Variants in TRRAP observed in about 807,000 individuals in gnomAD.
The protein encoded by TRRAP is transformation/transcription domain associated protein.
Under a neutral mutation model 438.8 loss-of-function variants are expected in TRRAP, and 41 were observed. That is an observed-to-expected ratio of 0.09 (90% CI 0.07 to 0.12). The LOEUF (loss-of-function observed/expected upper bound fraction) is 0.12. Among genes scored for constraint, TRRAP ranks in the 10% least tolerant of loss-of-function variants. TRRAP has a pLI of 1.00. For missense variants in TRRAP, 3,122 were observed against 5,055.1 expected (o/e 0.62, Z 11.60); for synonymous variants, 1,994 against 1,962.9 (o/e 1.02, Z -0.42).
Position 98,970,207 on chromosome 7 carries a change from T to C in TRRAP, c.7608T>C (p.Asp2536=), listed in dbSNP as rs1340872223. The C allele has an allele frequency of 3.1e-6, 5 of 1,613,856 alleles. No individual in the cohort carries two copies. Among genetic ancestry groups the C allele is most frequent in the Non-Finnish European group, 2.5e-6 (3 of 1,180,006 alleles). Residue 2536 remains aspartate, a synonymous_variant, in exon 52 of 73, where the codon GAT becomes GAC. Transcript: ENST00000456197. Reference sequence around the variant, plus strand: ...TCACCAACGTCATCAACCTGGCCGATAGCCACGACCGTGCCGCCTTCGCCA... The same window carrying C: ...TCACCAACGTCATCAACCTGGCCGACAGCCACGACCGTGCCGCCTTCGCCA... ...PSITNVINLA[D]SHDRAAFAMV...
rs527933842 is a variant in TRRAP, at chr7:98,994,440, C to T, written c.10048-147C>T. On this transcript the variant is annotated intron_variant, in intron 66 of 72. Coordinates refer to ENST00000456197, the MANE Select transcript of TRRAP (RefSeq NM_001375524.1). This position sits in a 1 kb window ranked among gnomAD's most constrained non-coding sequence, Gnocchi z 4.8. ...CAGGCGTCCCGTTTCTTGCACACGC[C>T]GATTTCATGCCTGCTGTGTGTGGGT... is the stretch of plus-strand genomic sequence containing the variant. The T allele has an allele frequency of 1.2e-4, 143 of 1,215,268 alleles. 1 individual carries two copies. Among genetic ancestry groups the T allele is most frequent in the South Asian group, 5.7e-4 (39 of 68,388 alleles). 75.3% of individuals were successfully genotyped at this position (1,215,268 alleles called of 1,614,324 possible).
At chr7:98,980,229 A>G (rs1244792809) in intron 58 of TRRAP, among the ~76,000 whole-genome samples, 2 of 152,302 alleles carry the variant, frequency 1.3e-5, no homozygotes, top group Middle Eastern at 3.4e-3. Flanking sequence ...CATTATTACC[A>G]TTATTGCATG....
intron 49 of TRRAP, among the ~76,000 whole-genome samples, 174 bp downstream of exon 49, chr7:98,966,069 G>A (rs1792137933): frequency 6.6e-6 from 1 of 152,166 alleles, no homozygotes; most frequent in Admixed American, 6.5e-5. Flanking sequence ...CACTTTGGGA[G>A]GCTGAGGTGG....
At chr7:98,957,892 GCATACCCATTAGCT>G in intron 43 of TRRAP, 75 bp from the exon 44 acceptor site, 1 of 1,083,698 alleles carries the variant, frequency 9.2e-7, no homozygotes, top group Non-Finnish European at 1.4e-6. Context: ...GGGAGGTACC[GCATACCCATTAGCT>G]GGGTGAAAAG....
chr7:98,898,213 G>A (rs1441172028), intron 8 of TRRAP, among the ~76,000 whole-genome samples: 2 of 152,228 alleles, frequency 1.3e-5, no homozygotes, highest in African/African-American at 2.4e-5. Context: ...CTCAGTGACT[G>A]AGAGTGTGGG....
chr7:99,008,180 C>T (rs867307209), intron 69 of TRRAP, among the ~76,000 whole-genome samples, 197 bp from the exon 70 acceptor site: 6 of 152,198 alleles, frequency 3.9e-5, no homozygotes, highest in African/African-American at 1.2e-4. Context: ...CACAAGGTGA[C>T]GATCAGTTCG....
intron 52 of TRRAP, 45 bp from the exon 53 acceptor site, chr7:98,971,754 T>G (rs1341703255): frequency 6.3e-7 from 1 of 1,584,812 alleles, no homozygotes; most frequent in South Asian, 1.2e-5. Flanking sequence ...TGGGTTTTCT[T>G]GAAGCCTTTG....
intron 3 of TRRAP, 76 bp from the exon 4 acceptor site, chr7:98,890,259 G>C: frequency 1.0e-6 from 1 of 953,638 alleles, no homozygotes; most frequent in Admixed American, 3.7e-5. Context: ...TTCCTTTGCA[G>C]TTATTATAAT....
At chr7:98,909,053 T>A in intron 14 of TRRAP, 91 bp downstream of exon 14, 1 of 1,195,200 alleles carries the variant, frequency 8.4e-7, no homozygotes. Flanking sequence ...AGACAGATCC[T>A]TGTTCTGTTG....
At chr7:99,007,852 A>C (rs1584418856) in intron 69 of TRRAP, among the ~76,000 whole-genome samples, 1 of 132,964 alleles carries the variant, frequency 7.5e-6, no homozygotes, top group Non-Finnish European at 1.6e-5. Flanking sequence ...TTTGAGATGG[A>C]GTCTCGCTCT....
At chr7:98,939,959 C>T (rs1465654081) in intron 30 of TRRAP, among the ~76,000 whole-genome samples, 1 of 152,010 alleles carries the variant, frequency 6.6e-6, no homozygotes, top group Non-Finnish European at 1.5e-5. Context: ...TCGTCTCATT[C>T]CTACCTCTGC....
rs761798787 is a variant in TRRAP, at chr7:99,005,140, C to T, written c.10545C>T (p.Pro3515=). Residue 3515 remains proline, a synonymous_variant, in exon 69 of 73, where the codon CCC becomes CCT. Transcript: ENST00000456197. This position sits in a 1 kb window ranked among gnomAD's most constrained non-coding sequence, Gnocchi z 5.1. ...HYYIKIARFM[P]RVEIVQKHNT... ...CTTCTCGCTCTGGCAGGTTCATGCC[C>T]CGGGTAGAGATTGTGCAGAAGCACA... The T allele has an allele frequency of 2.5e-6, 4 of 1,613,520 alleles. No individual in the cohort carries two copies. The highest frequency in any genetic ancestry group is 1.7e-5 in the Admixed American group (1 of 60,020).
intron 40 of TRRAP, among the ~76,000 whole-genome samples, chr7:98,954,339 G>A (rs1791491362): frequency 2.6e-5 from 4 of 152,256 alleles, no homozygotes. Context: ...CTCCACTCGA[G>A]CATGCGGCAT....
At chr7:98,925,393 C>CAT in intron 22 of TRRAP, 130 bp downstream of exon 22, 1 of 1,288,924 alleles carries the variant, frequency 7.8e-7, no homozygotes, top group Non-Finnish European at 1.1e-6. Flanking sequence ...ATATTATCTA[C>CAT]CTACTCCTTC....
chr7:99,002,567 T>C (rs537448003), intron 67 of TRRAP, among the ~76,000 whole-genome samples: 64 of 152,294 alleles, frequency 4.2e-4, no homozygotes, highest in Middle Eastern at 3.4e-3. Flanking sequence ...TCCTTGGTGG[T>C]GGCCTCTGTC....
chr7:98,999,501 G>T (rs1793822405), intron 67 of TRRAP: 2 of 753,422 alleles, frequency 2.7e-6, no homozygotes, highest in South Asian at 1.5e-5. Context: ...TGAGCTCAGA[G>T]GGAGAGACAA....
rs200592943 is a variant in TRRAP at position 98,985,080 on chromosome 7, T to A, written c.9389+36T>A. 270 of 1,403,084 alleles carry A rather than the reference T, an allele frequency of 1.9e-4. No individual in the cohort carries two copies. In the African/African-American group the frequency reaches 3.6e-3, roughly 19 times the overall value. 86.9% of individuals were successfully genotyped at this position (1,403,084 alleles called of 1,614,324 possible). On this transcript the variant is annotated intron_variant, in intron 62 of 72. Coordinates refer to ENST00000456197, the MANE Select transcript of TRRAP (RefSeq NM_001375524.1). ...TATATTGAAAGGATAAGAGAAAAAA[T>A]GCATCAGATTATTTAAAGTTATTTA...
intron 6 of TRRAP, among the ~76,000 whole-genome samples, chr7:98,895,505 G>A (rs1387048426): frequency 1.3e-5 from 2 of 152,098 alleles, no homozygotes; most frequent in East Asian, 3.9e-4. Flanking sequence ...TTTGTGAAAG[G>A]CAAAAACTGG....
intron 57 of TRRAP, 99 bp downstream of exon 57, chr7:98,978,422 C>A: frequency 9.1e-7 from 1 of 1,099,190 alleles, no homozygotes; most frequent in Non-Finnish European, 1.3e-6. Context: ...TTAAAGAAAG[C>A]TTTGCTACTT....
Sources: gnomAD v4.1 joint callset for allele counts (sites outside exome capture counted in the v4.1 genomes callset) on GRCh38, gnomAD v4.1.1 for gene constraint, Gnocchi (gnomAD v3.1) non-coding constraint, MANE v1.5 for transcripts, NCBI Gene and HGNC (gene_info 2026-07-23, HGNC 2026-07-21) for gene names.